Variants in MMGT1 observed in about 807,000 individuals in gnomAD.
MMGT1 encodes the protein membrane magnesium transporter 1, also known as ER membrane protein complex subunit 5.
A neutral mutation model predicts 11.7 loss-of-function variants in MMGT1; 2 were observed. The ratio of observed to expected loss-of-function variants is 0.17; its 90% CI spans 0.07 to 0.54. MMGT1 has a LOEUF of 0.54. Among genes scored for constraint, MMGT1 ranks in the 20% least tolerant of loss-of-function variants. MMGT1 has a pLI of 0.94. For synonymous variants in MMGT1, 49 were observed against 44.4 expected (o/e 1.10, Z -0.41); for missense variants, 74 against 109.0 (o/e 0.68, Z 1.43).
At position 135,973,940 on chromosome X, in the gene MMGT1, G is replaced by A. The variant is rs1556612957; in HGVS notation, c.-265C>T. On this transcript the variant is annotated 5_prime_UTR_variant, in exon 1 of 4. Transcript: ENST00000305963. ...CTCTCTAGGAGGGCCGGAGCCCAACGGAGTCATAAACGAAGAGGCGAAAGC... is the reference window on the plus strand; with the variant it reads ...CTCTCTAGGAGGGCCGGAGCCCAACAGAGTCATAAACGAAGAGGCGAAAGC... The A allele has an allele frequency of 3.6e-6, 4 of 1,126,700 alleles. No homozygotes were observed. In the Middle Eastern group the frequency reaches 7.2e-4, roughly 203 times the overall value. The allele number at this position is 1,126,700 out of a possible 1,213,427, so 92.9% of individuals were successfully genotyped here.
At chrX:135,972,403 C>A (rs2089224817) in intron 1 of MMGT1, among the ~76,000 whole-genome samples, 1 of 112,538 alleles carries the variant, frequency 8.9e-6, no homozygotes, top group Non-Finnish European at 1.9e-5. Context: ...ACCTACAGCT[C>A]TGTCATAAAG....
intron 2 of MMGT1, among the ~76,000 whole-genome samples, chrX:135,968,717 G>C (rs1215156163): frequency 9.0e-6 from 1 of 110,665 alleles, no homozygotes; most frequent in Non-Finnish European, 1.9e-5. Flanking sequence ...TTTTAGTAGA[G>C]ATGGGGTTTC....
rs1404093560 is a variant in MMGT1 at position 135,964,779 on chromosome X, GGATTT to G, written c.*240_*244del. On this transcript the variant is annotated 3_prime_UTR_variant, in exon 4 of 4. Coordinates refer to ENST00000305963, the MANE Select transcript of MMGT1 (RefSeq NM_173470.3). Reference sequence around the variant, plus strand: ...AAACAGTGGCTTTTACAAAAGATGTGGATTTGTTTTAAATGAAAAAAAAAATAATT... The same window carrying G: ...AAACAGTGGCTTTTACAAAAGATGTGGTTTTAAATGAAAAAAAAAATAATT... 8.0e-6 allele frequency: 2 copies of G among 250,583 alleles called. No homozygotes were observed. The highest frequency in any genetic ancestry group is 1.4e-5 in the Non-Finnish European group (2 of 142,328). The allele number at this position is 250,583 out of a possible 1,213,427, so 20.7% of individuals were successfully genotyped here.
In MMGT1 at chrX:135,961,680, A is replaced by C. The variant is rs1328668403; in HGVS notation, c.*3344T>G. On this transcript the variant is annotated 3_prime_UTR_variant, in exon 4 of 4. Coordinates refer to ENST00000305963, the MANE Select transcript of MMGT1 (RefSeq NM_173470.3). ...ATTTAGAACTTCCCCTTGGATTTTC[A>C]TTAAACTTTATATTTGCTTCCTTGA... Among the ~76,000 whole-genome samples the C allele has an allele frequency of 9.0e-6, 1 of 111,698 alleles. No individual in the cohort carries two copies. The highest frequency in any genetic ancestry group is 1.9e-5 in the Non-Finnish European group (1 of 53,151).
At chrX:135,967,335 G>T in intron 3 of MMGT1, 55 bp downstream of exon 3, 1 of 755,403 alleles carries the variant, frequency 1.3e-6, no homozygotes, top group Non-Finnish European at 2.0e-6. Flanking sequence ...TTAAAATTAT[G>T]TGAATACAGC....
chrX:135,965,650 T>C (rs1569523266), intron 3 of MMGT1, among the ~76,000 whole-genome samples: 2 of 111,286 alleles, frequency 1.8e-5, no homozygotes, highest in Admixed American at 9.6e-5. Flanking sequence ...GCAATTCTCC[T>C]ACCTCAGCCT....
Position 135,965,193 on chromosome X carries a change from AG to A in MMGT1, c.237-11del. ...TAACGTATCAAATGTCCTTGAAAGA[AG>A]AAAAAAGCATCAATTTTAGATAAAC... On this transcript the variant is annotated splice_polypyrimidine_tract_variant and intron_variant, in intron 3 of 3. Transcript: ENST00000305963. 1 of 1,179,845 alleles carries A rather than the reference AG, an allele frequency of 8.5e-7. No individual in the cohort carries two copies. Among genetic ancestry groups the A allele is most frequent in the Non-Finnish European group, 1.1e-6 (1 of 870,536 alleles).
At position 135,962,364 on chromosome X, in the gene MMGT1, TTAAG is replaced by T. The variant is rs1203502165; in HGVS notation, c.*2656_*2659del. On this transcript the variant is annotated 3_prime_UTR_variant, in exon 4 of 4. Transcript: ENST00000305963. The stretch of plus-strand genomic sequence containing the variant: ...CAGTATTTGGCTGGTTCCCTGGTTA[TTAAG>T]TGAGTCGTTCCGTATTTTAAAGAGC... The T allele has an allele frequency of 2.7e-5, 3 of 111,781 alleles. No homozygotes were observed. The highest frequency in any genetic ancestry group is 9.8e-5 in the African/African-American group (3 of 30,766). The allele number at this position is 111,781 out of a possible 1,213,427, so 9.2% of individuals were successfully genotyped here.
At chrX:135,965,906 C>T (rs1018180913) in intron 3 of MMGT1, among the ~76,000 whole-genome samples, 1 of 112,209 alleles carries the variant, frequency 8.9e-6, no homozygotes, top group Non-Finnish European at 1.9e-5. Flanking sequence ...TTTCACAGAT[C>T]TGTTTTCCAA....
In MMGT1 at chrX:135,965,194, G is replaced by A. The variant is rs1556611835; in HGVS notation, c.237-11C>T. On this transcript the variant is annotated splice_polypyrimidine_tract_variant and intron_variant, in intron 3 of 3. Coordinates refer to ENST00000305963, the MANE Select transcript of MMGT1 (RefSeq NM_173470.3). ...AACGTATCAAATGTCCTTGAAAGAAGAAAAAAGCATCAATTTTAGATAAAC... is the reference window on the plus strand; with the variant it reads ...AACGTATCAAATGTCCTTGAAAGAAAAAAAAAGCATCAATTTTAGATAAAC... 2 of 1,171,546 alleles carry A rather than the reference G, an allele frequency of 1.7e-6. No homozygotes were observed. Among genetic ancestry groups the A allele is most frequent in the African/African-American group, 1.8e-5 (1 of 55,786 alleles).
intron 1 of MMGT1, among the ~76,000 whole-genome samples, chrX:135,972,826 T>A (rs2089227107): frequency 8.9e-6 from 1 of 111,983 alleles, no homozygotes. Flanking sequence ...GATCACACTG[T>A]AAGCAGCAAG....
chrX:135,968,537 G>GTGTGTGT (rs1277874372), intron 2 of MMGT1, among the ~76,000 whole-genome samples: 1 of 105,330 alleles, frequency 9.5e-6, no homozygotes, highest in East Asian at 3.0e-4. Flanking sequence ...GTGTGTGTGT[G>GTGTGTGT]TTTTCTTTTT....
At chrX:135,972,301 C>T (rs1194893033) in intron 1 of MMGT1, among the ~76,000 whole-genome samples, 4 of 112,592 alleles carry the variant, frequency 3.6e-5, no homozygotes, top group African/African-American at 1.3e-4. Flanking sequence ...TATTTAATAA[C>T]GTACTTTGGA....
chrX:135,963,547 C>T lies in MMGT1; in HGVS notation c.*1477G>A, dbSNP rs2089168240. ...CTTTGTTCTCATTAGAGAGCAGAGT[C>T]AGTGTTCCGCAGACAGACTGGGCTG... On this transcript the variant is annotated 3_prime_UTR_variant, in exon 4 of 4. Transcript: ENST00000305963. 1 of 112,063 alleles carries T rather than the reference C, an allele frequency of 8.9e-6. No individual in the cohort carries two copies. Among genetic ancestry groups the T allele is most frequent in the South Asian group, 3.7e-4 (1 of 2,706 alleles). 9.2% of individuals were successfully genotyped at this position (112,063 alleles called of 1,213,427 possible). A position where few individuals can be genotyped will look rare whatever the true frequency, so the allele number is the denominator to read the frequency against.
At position 135,973,548 on chromosome X, in the gene MMGT1, C is replaced by G. The variant is rs782051537; in HGVS notation, c.79+49G>C. On this transcript the variant is annotated intron_variant, in intron 1 of 3. Coordinates refer to ENST00000305963, the MANE Select transcript of MMGT1 (RefSeq NM_173470.3). ...GTCCCTTAGAAGTGCGCCCACACACCGCCCCTAGGGTTCCACACCGAAGCG... is the reference window on the plus strand; with the variant it reads ...GTCCCTTAGAAGTGCGCCCACACACGGCCCCTAGGGTTCCACACCGAAGCG... 140 of 1,055,372 alleles carry G rather than the reference C, an allele frequency of 1.3e-4. 1 individual carries two copies. In the East Asian group the frequency reaches 4.6e-3, roughly 35 times the overall value. The allele number at this position is 1,055,372 out of a possible 1,213,427, so 87.0% of individuals were successfully genotyped here.
At chrX:135,972,181 A>T (rs781896678) in intron 1 of MMGT1, among the ~76,000 whole-genome samples, 2 of 112,284 alleles carry the variant, frequency 1.8e-5, no homozygotes, top group Non-Finnish European at 3.8e-5. Flanking sequence ...CCCTAACATG[A>T]GCATTATATA....
rs1392550276 is a variant in MMGT1 at position 135,969,336 on chromosome X, T to C, written c.132+1722A>G. Among the ~76,000 whole-genome samples the C allele has an allele frequency of 2.7e-5, 3 of 111,729 alleles. No homozygotes were observed. In the East Asian group the frequency reaches 8.3e-4, roughly 31 times the overall value. ...CCCACCACCAGTCTACCAAGAACAC[T>C]TGGTTTTTGTTTTTGAGATGGAGTC... On this transcript the variant is annotated intron_variant, in intron 2 of 3. Coordinates refer to ENST00000305963, the MANE Select transcript of MMGT1 (RefSeq NM_173470.3).
In MMGT1 at chrX:135,973,906, T is replaced by C; in HGVS notation, c.-231A>G. ...TCCGCGAGAACCCACGAACCTGCGC[T>C]ATGGAGGCCTCTCTAGGAGGGCCGG... On this transcript the variant is annotated 5_prime_UTR_variant, in exon 1 of 4. It adds an upstream start codon to the 5' untranslated region. Transcript: ENST00000305963. 8.7e-7 allele frequency: 1 copy of C among 1,144,427 alleles called. No individual in the cohort carries two copies. 94.3% of individuals were successfully genotyped at this position (1,144,427 alleles called of 1,213,427 possible). A position where few individuals can be genotyped will look rare whatever the true frequency, so the allele number is the denominator to read the frequency against.
At position 135,973,612 on chromosome X, in the gene MMGT1, A is replaced by G. The variant is rs1455572135; in HGVS notation, c.64T>C (p.Phe22Leu). 5.2e-6 allele frequency: 6 copies of G among 1,164,917 alleles called. No individual in the cohort carries two copies. Among genetic ancestry groups the G allele is most frequent in the Non-Finnish European group, 4.6e-6 (4 of 871,958 alleles). The change falls in exon 1 of 4, where the codon TTT (phenylalanine) becomes CTT (leucine). Residue 22 changes from phenylalanine (F) to leucine (L), a missense_variant. Physicochemically the swap from Phe to Leu is conservative, Grantham distance 22. Around this residue, in one of 2 missense-constraint regions of MMGT1, gnomAD observed 40 missense variants for 79.6 expected, o/e 0.50. Coordinates refer to ENST00000305963, the MANE Select transcript of MMGT1 (RefSeq NM_173470.3). ...IGLFALAHAA[F>L]SAAQHRSYMR... ...AGGCACTTACGCTGCGCAGCGGAAA[A>G]GGCGGCGTGGGCTAGGGCAAAGAGA...
Sources: allele counts gnomAD v4.1 joint callset (sites outside exome capture counted in the v4.1 genomes callset), GRCh38; gene constraint gnomAD v4.1.1; regional missense constraint gnomAD v4.1.1; transcripts MANE v1.5; gene names NCBI Gene and HGNC (gene_info 2026-07-23, HGNC 2026-07-21).